Variants in NRG1 observed in about 807,000 individuals in gnomAD.
NRG1 encodes neuregulin 1, also known as pro-neuregulin-1, membrane-bound isoform.
Under a neutral mutation model 63.8 loss-of-function variants are expected in NRG1, and 18 were observed. The ratio of observed to expected loss-of-function variants is 0.28; its 90% CI spans 0.19 to 0.42. The LOEUF is 0.42. NRG1 is among the 10% of genes least tolerant of loss of function. The pLI, the probability that NRG1 is intolerant of heterozygous loss-of-function variation, is 1.00. For missense variants in NRG1, 762 were observed against 814.7 expected (o/e 0.94, Z 0.79); for synonymous variants, 302 against 301.3 (o/e 1.00, Z -0.02).
At position 32,694,195 on chromosome 8, in the gene NRG1, G is replaced by A. The variant is rs75859579; in HGVS notation, c.503-33754G>A. ...TAGAATCTATCTGGTTAAAACTCAC[G>A]TTTTAAAAATGCATGTCCTAAATTG... is the stretch of plus-strand genomic sequence containing the variant. On this transcript the variant is annotated intron_variant, in intron 5 of 11. Transcript: ENST00000356819. 5.4e-4 allele frequency among the ~76,000 whole-genome samples: 82 copies of A among 152,172 alleles called. No homozygotes were observed. The East Asian group carries it at 0.014, about 26-fold the overall frequency.
intron 1 of NRG1, chr8:31,639,540 C>T: frequency 1.4e-6 from 2 of 1,466,662 alleles, no homozygotes; most frequent in Middle Eastern, 1.8e-4. Context: ...CTCTCCCAGC[C>T]GCTTGCTCGC....
downstream of NRG1, among the ~76,000 whole-genome samples, chr8:32,771,396 A>C (rs1186566353): frequency 6.7e-6 from 1 of 148,382 alleles, no homozygotes; most frequent in African/African-American, 2.5e-5. Flanking sequence ...AAAGTGCTGG[A>C]ATTACAGGCA....
At chr8:32,355,642 A>T (rs1024194105) in intron 1 of NRG1, among the ~76,000 whole-genome samples, 3 of 149,876 alleles carry the variant, frequency 2.0e-5, no homozygotes, top group South Asian at 2.2e-4. Flanking sequence ...AAATAAAGAA[A>T]AAAGACAGGG....
chr8:32,666,883 G>T (rs948515830), intron 5 of NRG1, among the ~76,000 whole-genome samples: 3 of 152,150 alleles, frequency 2.0e-5, no homozygotes, highest in African/African-American at 7.2e-5. Context: ...TCATGTGACT[G>T]GCTTATTTCA....
rs201705676 is a variant in NRG1, at chr8:32,115,048, T to C, written c.37+475617T>C. On this transcript the variant is annotated intron_variant, in intron 1 of 10. Transcript: ENST00000519301. Reference sequence around the variant, plus strand: ...AATCTGTTTATAACTTTTTTTTTTTTCAGATGGAGTCTTGCTCTGTTGCCC... The same window carrying C: ...AATCTGTTTATAACTTTTTTTTTTTCCAGATGGAGTCTTGCTCTGTTGCCC... Among the ~76,000 whole-genome samples the C allele has an allele frequency of 1.4e-4, 21 of 152,160 alleles. No individual in the cohort carries two copies. In the East Asian group the frequency reaches 2.1e-3, roughly 15 times the overall value.
Position 32,222,113 on chromosome 8 carries a change from G to A in NRG1, c.38-373715G>A, listed in dbSNP as rs74921954. Reference sequence around the variant, plus strand: ...CACAGACAGGAAGATATGTGTAAATGTATACATGTTTTCAGTAGCATATAT... The same window carrying A: ...CACAGACAGGAAGATATGTGTAAATATATACATGTTTTCAGTAGCATATAT... On this transcript the variant is annotated intron_variant, in intron 1 of 10. Coordinates refer to the NRG1 transcript ENST00000519301. 2.7e-3 allele frequency among the ~76,000 whole-genome samples: 409 copies of A among 151,692 alleles called. 5 individuals are homozygous for A. Among genetic ancestry groups the A allele is most frequent in the African/African-American group, 9.3e-3 (384 of 41,278 alleles).
At chr8:32,592,151 T>C (rs1417273939) in intron 1 of NRG1, among the ~76,000 whole-genome samples, 3 of 151,504 alleles carry the variant, frequency 2.0e-5, no homozygotes, top group Non-Finnish European at 4.4e-5. Flanking sequence ...TATGTGTAAA[T>C]GTATTTCTGT....
At chr8:31,910,481 G>C (rs889078741) in intron 1 of NRG1, among the ~76,000 whole-genome samples, 2 of 152,110 alleles carry the variant, frequency 1.3e-5, no homozygotes, top group African/African-American at 4.8e-5. Flanking sequence ...GAGTGGAAGA[G>C]ACATGAAAAA....
intron 1 of NRG1, among the ~76,000 whole-genome samples, chr8:31,865,187 A>AT (rs1160983821): frequency 1.3e-5 from 2 of 152,168 alleles, no homozygotes; most frequent in African/African-American, 4.8e-5. Context: ...GACAGATGAC[A>AT]TTTTTATAAA....
chr8:32,141,222 A>G (rs1467295419), intron 1 of NRG1, among the ~76,000 whole-genome samples: 3 of 152,092 alleles, frequency 2.0e-5, no homozygotes, highest in Non-Finnish European at 4.4e-5. Context: ...GGACATGACC[A>G]AGGAATGTGG....
intron 1 of NRG1, among the ~76,000 whole-genome samples, chr8:31,972,552 C>A (rs1807472511): frequency 6.6e-6 from 1 of 152,142 alleles, no homozygotes; most frequent in Non-Finnish European, 1.5e-5. Flanking sequence ...TTATTCCCTT[C>A]CTATTTGCAA....
intron 1 of NRG1, among the ~76,000 whole-genome samples, chr8:31,807,622 A>C (rs1822413920): frequency 6.6e-6 from 1 of 152,096 alleles, no homozygotes. Context: ...CCTTCAATAA[A>C]TTTTTAAGTC....
chr8:32,023,593 G>A (rs1382719389), intron 1 of NRG1, among the ~76,000 whole-genome samples: 1 of 152,180 alleles, frequency 6.6e-6, no homozygotes, highest in Non-Finnish European at 1.5e-5. Flanking sequence ...CTGAAAATCA[G>A]AAGCAGCTCC....
intron 1 of NRG1, among the ~76,000 whole-genome samples, chr8:32,299,734 G>A (rs1188317789): frequency 6.6e-6 from 1 of 152,136 alleles, no homozygotes; most frequent in Non-Finnish European, 1.5e-5. Context: ...AGTCAAGAGG[G>A]CATGTGCAGA....
intron 1 of NRG1, among the ~76,000 whole-genome samples, chr8:31,989,372 C>G (rs183370485): frequency 6.6e-6 from 1 of 151,240 alleles, no homozygotes; most frequent in African/African-American, 2.4e-5. Context: ...TGCTTGCTAG[C>G]TATTTTCTGA....
chr8:31,820,160 T>C (rs1823867499), intron 1 of NRG1, among the ~76,000 whole-genome samples: 1 of 152,156 alleles, frequency 6.6e-6, no homozygotes, highest in African/African-American at 2.4e-5. Flanking sequence ...TCACAGAACA[T>C]CTTAGCACTA....
At chr8:32,458,836 G>C (rs1587767958) in intron 1 of NRG1, among the ~76,000 whole-genome samples, 1 of 152,126 alleles carries the variant, frequency 6.6e-6, no homozygotes, top group East Asian at 1.9e-4. Flanking sequence ...GAGAGGAGAG[G>C]ATCACCAGAT....
chr8:32,744,140 A>G lies in NRG1; in HGVS notation c.691+1407A>G, dbSNP rs1589545957. ...GTTATTTAGGGGTCCTAAAAGAATCAGATTTACCCTTGTTCTGATGCATGC... is the reference window on the plus strand; with the variant it reads ...GTTATTTAGGGGTCCTAAAAGAATCGGATTTACCCTTGTTCTGATGCATGC... On this transcript the variant is annotated intron_variant, in intron 7 of 11. Coordinates refer to ENST00000356819, the Ensembl canonical transcript of NRG1. Among the ~76,000 whole-genome samples the G allele has an allele frequency of 2.0e-5, 3 of 152,264 alleles. No individual in the cohort carries two copies. The Middle Eastern group carries it at 0.01, about 518-fold the overall frequency.
At chr8:31,791,077 C>T (rs890062983) in intron 1 of NRG1, among the ~76,000 whole-genome samples, 2 of 151,826 alleles carry the variant, frequency 1.3e-5, no homozygotes, top group African/African-American at 4.8e-5. Flanking sequence ...GGCATGGTGG[C>T]ATGTGCCTGT....
Sources: gnomAD v4.1 joint callset for allele counts (sites outside exome capture counted in the v4.1 genomes callset) on GRCh38, gnomAD v4.1.1 for gene constraint, MANE v1.5 for transcripts, NCBI Gene and HGNC (gene_info 2026-07-23, HGNC 2026-07-21) for gene names.